Variants in SENP7 observed in about 807,000 individuals in gnomAD.
SENP7 encodes sentrin-specific protease 7.
Under a neutral mutation model 141.2 loss-of-function variants are expected in SENP7, and 64 were observed. That is an observed-to-expected ratio of 0.45 (90% CI 0.37 to 0.56). The LOEUF (loss-of-function observed/expected upper bound fraction) is 0.56, where lower values mean the gene tolerates loss of function less well. Among genes scored for constraint, SENP7 ranks in the 20% least tolerant of loss-of-function variants. SENP7 has a pLI of 0.00. For synonymous variants in SENP7, 382 were observed against 426.4 expected, an observed-to-expected ratio of 0.90 and a Z score of 1.28; for missense variants, 1,025 against 1,212.2, an observed-to-expected ratio of 0.85 and a Z score of 2.29.
At chr3:101,339,750 C>A (rs531131781) in intron 16 of SENP7, among the ~76,000 whole-genome samples, 1 of 151,874 alleles carries the variant, frequency 6.6e-6, no homozygotes, top group African/African-American at 2.4e-5. Context: ...ACAGATATCT[C>A]AATAGAGCTG....
intron 1 of SENP7, among the ~76,000 whole-genome samples, chr3:101,503,589 A>G (rs1245700018): frequency 1.3e-5 from 2 of 152,250 alleles, no homozygotes; most frequent in East Asian, 1.9e-4. Flanking sequence ...GCAGAAGAGT[A>G]TATGATTCTA....
intron 6 of SENP7, among the ~76,000 whole-genome samples, chr3:101,382,404 G>C (rs2060528884): frequency 6.6e-6 from 1 of 151,950 alleles, no homozygotes; most frequent in East Asian, 1.9e-4. Context: ...GGCTGATCTT[G>C]AACTCCTGAC....
At chr3:101,431,762 G>A (rs546486222) in intron 4 of SENP7, among the ~76,000 whole-genome samples, 7 of 146,396 alleles carry the variant, frequency 4.8e-5, no homozygotes, top group Admixed American at 2.1e-4. Flanking sequence ...CCAGCCTGGC[G>A]GACAGAGCCA....
intron 6 of SENP7, among the ~76,000 whole-genome samples, chr3:101,389,683 T>G (rs2107535814): frequency 6.6e-6 from 1 of 152,222 alleles, no homozygotes; most frequent in Non-Finnish European, 1.5e-5. Flanking sequence ...AAAATGGCAC[T>G]ATCTAAAATA....
At chr3:101,469,830 C>CA (rs58498056) in intron 3 of SENP7, among the ~76,000 whole-genome samples, 9,728 of 24,658 alleles carry the variant, frequency 0.39, 2,368 homozygotes, top group Non-Finnish European at 0.42. Context: ...GACTCCGTCT[C>CA]AAAAAAAAAA....
chr3:101,467,784 C>T (rs569111039), intron 3 of SENP7, among the ~76,000 whole-genome samples: 3 of 152,272 alleles, frequency 2.0e-5, no homozygotes, highest in East Asian at 1.9e-4. Flanking sequence ...TTCTAAAAAT[C>T]GGAGCACCTC....
chr3:101,389,181 A>C (rs1399460181), intron 6 of SENP7, among the ~76,000 whole-genome samples: 5 of 152,178 alleles, frequency 3.3e-5, no homozygotes, highest in Admixed American at 3.3e-4. Flanking sequence ...TCAGCCACCC[A>C]AGCTAGAGTA....
intron 11 of SENP7, among the ~76,000 whole-genome samples, chr3:101,354,704 T>C (rs1416176875): frequency 6.6e-6 from 1 of 152,136 alleles, no homozygotes; most frequent in Non-Finnish European, 1.5e-5. Context: ...GCAATTCACA[T>C]GTATATGTCT....
At position 101,421,842 on chromosome 3, in the gene SENP7, GAAC is replaced by G. The variant is rs1305381248; in HGVS notation, c.285-4055_285-4053del. 1.1e-4 allele frequency among the ~76,000 whole-genome samples: 16 copies of G among 152,214 alleles called. 1 individual carries two copies. The East Asian group carries it at 3.1e-3, about 29-fold the overall frequency. The stretch of plus-strand genomic sequence containing the variant: ...ACCAGAAGAGAAACTTAAGAGTAAA[GAAC>G]AACATTCAAACCAGGCAAAATAAAA... On this transcript the variant is annotated intron_variant, in intron 4 of 23. Transcript: ENST00000394095.
intron 20 of SENP7, among the ~76,000 whole-genome samples, chr3:101,329,445 CAT>C (rs2058987554): frequency 6.6e-6 from 1 of 151,878 alleles, no homozygotes; most frequent in Non-Finnish European, 1.5e-5. Context: ...ACAGTAAAGA[CAT>C]AGGCCTGTGC....
At chr3:101,355,173 T>C (rs1321691560) in intron 11 of SENP7, among the ~76,000 whole-genome samples, 1 of 152,198 alleles carries the variant, frequency 6.6e-6, no homozygotes, top group Non-Finnish European at 1.5e-5. Flanking sequence ...GTTGTCTGTT[T>C]ACTCTGCTGA....
At chr3:101,464,186 G>A (rs1232304247) in intron 3 of SENP7, among the ~76,000 whole-genome samples, 1 of 152,116 alleles carries the variant, frequency 6.6e-6, no homozygotes, top group East Asian at 1.9e-4. Flanking sequence ...TCTGAAAGAA[G>A]TAAAAAGACA....
At chr3:101,361,120 G>C (rs2059886936) in intron 11 of SENP7, among the ~76,000 whole-genome samples, 1 of 151,772 alleles carries the variant, frequency 6.6e-6, no homozygotes, top group Admixed American at 6.6e-5. Flanking sequence ...CACAAGAATC[G>C]CTTGAATACA....
intron 4 of SENP7, among the ~76,000 whole-genome samples, chr3:101,441,767 G>C (rs1456722173): frequency 3.3e-5 from 5 of 152,104 alleles, no homozygotes; most frequent in Non-Finnish European, 7.3e-5. Context: ...ACCATGACTG[G>C]TGCTCATACA....
At chr3:101,494,366 C>A (rs2065082432) in intron 2 of SENP7, among the ~76,000 whole-genome samples, 1 of 152,128 alleles carries the variant, frequency 6.6e-6, no homozygotes, top group Admixed American at 6.5e-5. Flanking sequence ...ACCATTTGGG[C>A]TCTTTCACAT....
rs1283241834 is a variant in SENP7, at chr3:101,365,131, T to G, written c.1319-140A>C. 1.6e-5 allele frequency: 7 copies of G among 442,760 alleles called. No individual in the cohort carries two copies. The South Asian group carries it at 3.3e-4, about 21-fold the overall frequency. The allele number at this position is 442,760 out of a possible 1,614,324, so 27.4% of individuals were successfully genotyped here. On this transcript the variant is annotated intron_variant, in intron 9 of 23. Coordinates refer to ENST00000394095, the MANE Select transcript of SENP7 (RefSeq NM_020654.5). ...AATTCTCCTACCTCAGCCTCCCGAG[T>G]AGCTGGAATTACAGGCATGCGCCAC...
rs77846817 is a variant in SENP7 at position 101,492,249 on chromosome 3, C to T, written c.186+1624G>A. Among the ~76,000 whole-genome samples the T allele has an allele frequency of 9.6e-3, 1,453 of 152,056 alleles. 22 individuals are homozygous for T. Among genetic ancestry groups the T allele is most frequent in the African/African-American group, 0.033 (1,376 of 41,450 alleles). ...AACTAGCTAAGCATGGTGGTGCATG[C>T]CTCTAATCCGAGATACTCAGGAGGC... On this transcript the variant is annotated intron_variant, in intron 3 of 23. Coordinates refer to ENST00000394095, the MANE Select transcript of SENP7 (RefSeq NM_020654.5).
At chr3:101,497,181 T>G (rs1576529210) in intron 2 of SENP7, among the ~76,000 whole-genome samples, 1 of 152,238 alleles carries the variant, frequency 6.6e-6, no homozygotes, top group South Asian at 2.1e-4. Flanking sequence ...TGGACCGGAA[T>G]CAGAAGTATC....
At chr3:101,467,554 C>G (rs1196986869) in intron 3 of SENP7, among the ~76,000 whole-genome samples, 1 of 152,192 alleles carries the variant, frequency 6.6e-6, no homozygotes. Context: ...TTGGTGATAC[C>G]CAGGCAAACT....
Sources: gnomAD v4.1 joint callset for allele counts (sites outside exome capture counted in the v4.1 genomes callset) on GRCh38, gnomAD v4.1.1 for gene constraint, MANE v1.5 for transcripts, NCBI Gene and HGNC (gene_info 2026-07-23, HGNC 2026-07-21) for gene names.